Variants in FAM227A observed in about 807,000 individuals in gnomAD.
The protein encoded by FAM227A is protein FAM227A.
FAM227A carries 80 observed loss-of-function variants against 74.7 expected under a neutral mutation model. The ratio of observed to expected loss-of-function variants is 1.07; its 90% confidence interval spans 0.89 to 1.29. The LOEUF (loss-of-function observed/expected upper bound fraction) is 1.29. FAM227A is among the 50% of genes most tolerant of loss of function. The pLI, the probability that FAM227A is intolerant of heterozygous loss-of-function variation, is 0.00. For missense variants in FAM227A, 654 were observed against 683.4 expected, an observed-to-expected ratio of 0.96 and a Z score of 0.48; for synonymous variants, 237 against 241.8, an observed-to-expected ratio of 0.98 and a Z score of 0.19.
At chr22:38,625,067 G>A (rs893956622) in intron 9 of FAM227A, among the ~76,000 whole-genome samples, 60 of 152,016 alleles carry the variant, frequency 3.9e-4, no homozygotes, top group African/African-American at 1.4e-3. Flanking sequence ...CAAGGTTGAG[G>A]TGGGGGAGGG....
chr22:38,587,478 T>C (rs541501277), intron 16 of FAM227A, among the ~76,000 whole-genome samples: 3 of 152,204 alleles, frequency 2.0e-5, no homozygotes, highest in Admixed American at 6.5e-5. Flanking sequence ...ATATAGCCTA[T>C]ATGAAATGGA....
Position 38,607,619 on chromosome 22 carries a change from A to C in FAM227A, c.1039-143T>G. The C allele has an allele frequency of 4.5e-6, 3 of 660,790 alleles. No homozygotes were observed. The South Asian group carries it at 5.4e-5, about 12-fold the overall frequency. The allele number at this position is 660,790 out of a possible 1,614,324, so 40.9% of individuals were successfully genotyped here. On this transcript the variant is annotated intron_variant, in intron 11 of 16. Coordinates refer to ENST00000535113, the MANE Select transcript of FAM227A (RefSeq NM_001013647.2). ...TGTTCTCAGCAAAGGAACATGCAGA[A>C]CGAGACCTTTCAGGTCCTCCCAGGA... is the stretch of plus-strand genomic sequence containing the variant.
intron 13 of FAM227A, among the ~76,000 whole-genome samples, chr22:38,604,996 C>G (rs1423014899): frequency 1.3e-5 from 2 of 151,870 alleles, no homozygotes; most frequent in African/African-American, 4.8e-5. Flanking sequence ...CTTTTAGTAT[C>G]ACTTATTTGC....
chr22:38,626,891 A>AAATATAT (rs1555966996), intron 8 of FAM227A, among the ~76,000 whole-genome samples: 7 of 57,690 alleles, frequency 1.2e-4, no homozygotes, highest in African/African-American at 6.1e-4. Context: ...AAAAAAAAAA[A>AAATATAT]ATATATATAT....
chr22:38,601,014 A>C (rs1002633271), intron 13 of FAM227A, among the ~76,000 whole-genome samples: 22 of 152,144 alleles, frequency 1.4e-4, no homozygotes, highest in African/African-American at 5.3e-4. Context: ...GAAGGCTCTT[A>C]CCAAAACGTT....
At chr22:38,649,434 C>T (rs1176705795) in intron 2 of FAM227A, among the ~76,000 whole-genome samples, 1 of 151,214 alleles carries the variant, frequency 6.6e-6, no homozygotes, top group Non-Finnish European at 1.5e-5. Context: ...GACATGGTGA[C>T]AGGCGCCTGT....
At chr22:38,645,728 C>T (rs906950424) in intron 2 of FAM227A, 83 bp from the exon 3 acceptor site, 2 of 784,600 alleles carry the variant, frequency 2.5e-6, no homozygotes, top group African/African-American at 3.5e-5. Context: ...GAAGGGCAGC[C>T]CCTGTCTGCA....
chr22:38,653,562 A>C (rs1288299736), intron 1 of FAM227A, among the ~76,000 whole-genome samples: 1 of 151,936 alleles, frequency 6.6e-6, no homozygotes, highest in Non-Finnish European at 1.5e-5. Flanking sequence ...TTTTTAGTAG[A>C]GATGGGGTTT....
chr22:38,598,042 CAA>C (rs59018974), intron 14 of FAM227A, among the ~76,000 whole-genome samples: 7 of 83,802 alleles, frequency 8.4e-5, no homozygotes, highest in Non-Finnish European at 6.8e-5. Context: ...GACTCTGTCT[CAA>C]AAAAAAAAAA....
At position 38,599,957 on chromosome 22, in the gene FAM227A, T is replaced by C; in HGVS notation, c.1222-36A>G. The C allele has an allele frequency of 2.0e-6, 3 of 1,512,682 alleles. No homozygotes were observed. The East Asian group carries it at 7.5e-5, about 38-fold the overall frequency. The allele number at this position is 1,512,682 out of a possible 1,614,324, so 93.7% of individuals were successfully genotyped here. ...AAGAAAAAGGAAAAATAAAGGATAT[T>C]GTCATTTTTACAGTCTGTATTAAGA... is the stretch of plus-strand genomic sequence containing the variant. On this transcript the variant is annotated intron_variant, in intron 13 of 16. Coordinates refer to ENST00000535113, the MANE Select transcript of FAM227A (RefSeq NM_001013647.2).
intron 3 of FAM227A, among the ~76,000 whole-genome samples, chr22:38,641,715 T>A (rs1282631543): frequency 6.6e-6 from 1 of 152,122 alleles, no homozygotes; most frequent in African/African-American, 2.4e-5. Context: ...TTGACATTTC[T>A]TTGCTGCTCT....
intron 6 of FAM227A, among the ~76,000 whole-genome samples, chr22:38,633,466 G>C (rs980722887): frequency 5.9e-5 from 9 of 152,150 alleles, no homozygotes; most frequent in Non-Finnish European, 1.0e-4. Flanking sequence ...GGAACAGCGG[G>C]TCCAAGAAGC....
chr22:38,615,951 G>T (rs1345103367), intron 11 of FAM227A, among the ~76,000 whole-genome samples: 1 of 152,100 alleles, frequency 6.6e-6, no homozygotes, highest in Non-Finnish European at 1.5e-5. Flanking sequence ...TGGCTGAGAA[G>T]GCTGGTGGAT....
intron 3 of FAM227A, among the ~76,000 whole-genome samples, chr22:38,641,125 GGA>G (rs10536685): frequency 0.35 from 53,275 of 151,678 alleles, 9,685 homozygotes; most frequent in East Asian, 0.47. Context: ...CAGAAAGAGG[GGA>G]GAGAAAGGAT....
At chr22:38,596,504 C>T (rs1354954473) in intron 15 of FAM227A, among the ~76,000 whole-genome samples, 3 of 152,172 alleles carry the variant, frequency 2.0e-5, no homozygotes, top group Admixed American at 6.5e-5. Context: ...TGTAATTGAG[C>T]TGCTGCACTG....
rs776397576 is a variant in FAM227A at position 38,636,512 on chromosome 22, A to C, written c.458T>G (p.Val153Gly). Residue 153 changes from valine to glycine, a missense_variant, in exon 6 of 17, where the codon GTG (valine) becomes GGG (glycine). Coordinates refer to ENST00000535113, the MANE Select transcript of FAM227A (RefSeq NM_001013647.2). ...SSKPNKLPNG[V>G]DFCDMVGNVV... ...GTTGCCCACCATGTCACAGAAGTCC[A>C]CGCCATTCGGAAGCTTGTTTGGCTT... 5.2e-6 allele frequency: 8 copies of C among 1,551,704 alleles called. No individual in the cohort carries two copies. Among genetic ancestry groups the C allele is most frequent in the Non-Finnish European group, 7.0e-6 (8 of 1,146,994 alleles).
At chr22:38,639,827 C>G in intron 3 of FAM227A, 103 bp from the exon 4 acceptor site, 3 of 816,640 alleles carry the variant, frequency 3.7e-6, no homozygotes, top group Non-Finnish European at 6.2e-6. Flanking sequence ...CACAAAAGAC[C>G]TGGAGCAAAG....
intron 9 of FAM227A, among the ~76,000 whole-genome samples, chr22:38,625,775 C>G (rs2091784848): frequency 6.6e-6 from 1 of 151,898 alleles, no homozygotes; most frequent in Non-Finnish European, 1.5e-5. Context: ...GAAACCCTGT[C>G]TCTACTACAA....
At chr22:38,637,470 G>T (rs1347480089) in intron 5 of FAM227A, among the ~76,000 whole-genome samples, 5 of 152,156 alleles carry the variant, frequency 3.3e-5, no homozygotes, top group Non-Finnish European at 4.4e-5. Flanking sequence ...ACTAAAACAT[G>T]ATGACTATAA....
Sources: gnomAD v4.1 joint callset for allele counts (sites outside exome capture counted in the v4.1 genomes callset) on GRCh38, gnomAD v4.1.1 for gene constraint, MANE v1.5 for transcripts, NCBI Gene and HGNC (gene_info 2026-07-23, HGNC 2026-07-21) for gene names.